Variants in HCN1 observed in about 807,000 individuals in gnomAD.
HCN1 encodes the protein potassium/sodium hyperpolarization-activated cyclic nucleotide-gated channel 1.
A neutral mutation model predicts 78.9 loss-of-function variants in HCN1; 13 were observed. That is an observed-to-expected ratio of 0.16 (90% CI 0.11 to 0.26). The LOEUF (loss-of-function observed/expected upper bound fraction) is 0.26, where lower values mean the gene tolerates loss of function less well. HCN1 is among the 10% of genes least tolerant of loss of function. The pLI is 1.00. For synonymous variants in HCN1, 552 were observed against 455.5 expected, an observed-to-expected ratio of 1.21 and a Z score of -2.70; for missense variants, 810 against 1,154.3, an observed-to-expected ratio of 0.70 and a Z score of 4.32.
chr5:45,476,156 T>C (rs1222007383), intron 2 of HCN1, among the ~76,000 whole-genome samples: 1 of 152,164 alleles, frequency 6.6e-6, no homozygotes, highest in African/African-American at 2.4e-5. Flanking sequence ...TTTAGAATCC[T>C]AAAACCCTCT....
chr5:45,592,078 T>C (rs1382116794), intron 2 of HCN1, among the ~76,000 whole-genome samples: 1 of 152,164 alleles, frequency 6.6e-6, no homozygotes, highest in Non-Finnish European at 1.5e-5. Context: ...GTGTTACCTA[T>C]ACTCCATTGT....
chr5:45,566,611 A>T (rs2111892678), intron 2 of HCN1, among the ~76,000 whole-genome samples: 1 of 152,224 alleles, frequency 6.6e-6, no homozygotes, highest in Non-Finnish European at 1.5e-5. Flanking sequence ...ATTGATAGTA[A>T]TTTTTTTCAA....
intron 2 of HCN1, among the ~76,000 whole-genome samples, chr5:45,614,494 G>A (rs140213083): frequency 1.6e-3 from 244 of 152,188 alleles, no homozygotes; most frequent in African/African-American, 5.6e-3. Context: ...AAAAGAAAGC[G>A]AAAACTTGAA....
intron 2 of HCN1, among the ~76,000 whole-genome samples, chr5:45,585,339 A>C (rs182823327): frequency 1.7e-3 from 260 of 152,170 alleles, no homozygotes; most frequent in African/African-American, 5.6e-3. Flanking sequence ...AGGCTTGTGC[A>C]TTGGTCATGT....
intron 3 of HCN1, among the ~76,000 whole-genome samples, chr5:45,415,811 A>G (rs1740105877): frequency 6.6e-6 from 1 of 152,040 alleles, no homozygotes; most frequent in Admixed American, 6.6e-5. Flanking sequence ...AAGGGCATAG[A>G]CCATGTCCTA....
At position 45,672,853 on chromosome 5, in the gene HCN1, G is replaced by A. The variant is rs560452841; in HGVS notation, c.425+22816C>T. Among the ~76,000 whole-genome samples the A allele has an allele frequency of 5.0e-4, 75 of 150,946 alleles. 1 individual carries two copies. The South Asian group carries it at 0.012, about 25-fold the overall frequency. On this transcript the variant is annotated intron_variant, in intron 1 of 7. Coordinates refer to ENST00000303230, the MANE Select transcript of HCN1 (RefSeq NM_021072.4). ...AACCTTTGCTTTAGAATAGTCTCAC[G>A]TTTACAGAAAATAATAGAGTTCCCA...
chr5:45,383,946 A>T (rs1747864930), intron 4 of HCN1, among the ~76,000 whole-genome samples: 1 of 152,112 alleles, frequency 6.6e-6, no homozygotes. Context: ...ACCTTATACA[A>T]CATCTGAGAA....
At chr5:45,431,859 G>A (rs980725076) in intron 3 of HCN1, among the ~76,000 whole-genome samples, 2 of 151,990 alleles carry the variant, frequency 1.3e-5, no homozygotes, top group African/African-American at 2.4e-5. Context: ...GTTTGAGGTC[G>A]GATAACATGA....
At chr5:45,546,304 T>A (rs1399927171) in intron 2 of HCN1, among the ~76,000 whole-genome samples, 1 of 151,986 alleles carries the variant, frequency 6.6e-6, no homozygotes, top group Non-Finnish European at 1.5e-5. Context: ...CTTTGCAATT[T>A]ATTTTATATA....
intron 6 of HCN1, among the ~76,000 whole-genome samples, chr5:45,296,471 G>C (rs1745496318): frequency 2.0e-5 from 3 of 151,836 alleles, no homozygotes; most frequent in Admixed American, 6.6e-5. Flanking sequence ...GAAGTTCTTA[G>C]AGAGGAATTT....
chr5:45,261,916 A>T lies in HCN1; in HGVS notation c.*5T>A. On this transcript the variant is annotated 3_prime_UTR_variant, in exon 8 of 8. Coordinates refer to ENST00000303230, the MANE Select transcript of HCN1 (RefSeq NM_021072.4). ...ATTTCTTTCTGCTTTGACAATCAGC[A>T]GGGATCATAAATTTGAAGCAAATCG... The T allele has an allele frequency of 6.2e-7, 1 of 1,614,110 alleles. No individual in the cohort carries two copies. Among genetic ancestry groups the T allele is most frequent in the Non-Finnish European group, 8.5e-7 (1 of 1,180,008 alleles).
chr5:45,556,550 A>G (rs575929382), intron 2 of HCN1, among the ~76,000 whole-genome samples: 5 of 152,084 alleles, frequency 3.3e-5, no homozygotes, highest in Admixed American at 1.3e-4. Flanking sequence ...TTGTACTACT[A>G]TAACATTCAT....
chr5:45,674,763 G>A (rs77025598), intron 1 of HCN1, among the ~76,000 whole-genome samples: 10,761 of 151,692 alleles, frequency 0.071, 559 homozygotes, highest in Middle Eastern at 0.15. Flanking sequence ...AGAAAGTATA[G>A]AATAAATGCA....
intron 1 of HCN1, among the ~76,000 whole-genome samples, chr5:45,688,861 C>G (rs1739854841): frequency 6.6e-6 from 1 of 151,934 alleles, no homozygotes; most frequent in Non-Finnish European, 1.5e-5. Context: ...AAACATTATG[C>G]TAAGTGAAAG....
chr5:45,392,888 C>T lies in HCN1; in HGVS notation c.1230+3604G>A, dbSNP rs574048689. 2.0e-5 allele frequency among the ~76,000 whole-genome samples: 3 copies of T among 152,018 alleles called. No individual in the cohort carries two copies. In the South Asian group the frequency reaches 6.2e-4, roughly 32 times the overall value. On this transcript the variant is annotated intron_variant, in intron 4 of 7. Coordinates refer to ENST00000303230, the MANE Select transcript of HCN1 (RefSeq NM_021072.4). ...GTTTAGCGTTTTTATTTCATATACT[C>T]GATAAACTGAGACTCAGCACATTCT...
intron 2 of HCN1, among the ~76,000 whole-genome samples, chr5:45,566,046 T>C (rs1261739208): frequency 6.6e-6 from 1 of 152,164 alleles, no homozygotes; most frequent in Non-Finnish European, 1.5e-5. Flanking sequence ...CATGGTTCTC[T>C]TAAATTGAGT....
chr5:45,466,333 T>A (rs1741270790), intron 2 of HCN1, among the ~76,000 whole-genome samples: 1 of 152,228 alleles, frequency 6.6e-6, no homozygotes, highest in Admixed American at 6.5e-5. Flanking sequence ...TCAAAAATAA[T>A]TGAAGACTCT....
chr5:45,604,273 A>C (rs2111968695), intron 2 of HCN1, among the ~76,000 whole-genome samples: 1 of 152,132 alleles, frequency 6.6e-6, no homozygotes, highest in Non-Finnish European at 1.5e-5. Context: ...AGAGAAGATA[A>C]GCAAATTACC....
Position 45,396,645 on chromosome 5 carries a change from A to G in HCN1, c.1077T>C (p.Ile359=). 6.8e-6 allele frequency: 11 copies of G among 1,613,928 alleles called. No homozygotes were observed. The highest frequency in any genetic ancestry group is 8.5e-6 in the Non-Finnish European group (10 of 1,179,874). ...TGACTGGGGCTTGGGCTCCATACCCAATGCACAGCATGTGACTCATAGCTT... is the reference window on the plus strand; with the variant it reads ...TGACTGGGGCTTGGGCTCCATACCCGATGCACAGCATGTGACTCATAGCTT... ...LFKAMSHMLC[I]GYGAQAPVSM... The change falls in exon 4 of 8, where the codon ATT becomes ATC. Residue 359 remains isoleucine, a synonymous_variant. Transcript: ENST00000303230.
Sources: allele counts gnomAD v4.1 joint callset (sites outside exome capture counted in the v4.1 genomes callset), GRCh38; gene constraint gnomAD v4.1.1; transcripts MANE v1.5; gene names NCBI Gene and HGNC (gene_info 2026-07-23, HGNC 2026-07-21).